Variants in MTA3 observed in about 807,000 individuals in gnomAD.
The protein encoded by MTA3 is metastasis associated 1 family member 3, also known as metastasis-associated protein MTA3.
Under a neutral mutation model 83.5 loss-of-function variants are expected in MTA3, and 34 were observed. The observed-to-expected ratio is 0.41, with a 90% CI of 0.31 to 0.54. MTA3 has a LOEUF of 0.54. Among genes scored for constraint, MTA3 ranks in the 20% least tolerant of loss-of-function variants. The pLI is 0.33. For synonymous variants in MTA3, 303 were observed against 252.7 expected (o/e 1.20, Z -1.89); for missense variants, 761 against 726.4 (o/e 1.05, Z -0.55).
intron 7 of MTA3, among the ~76,000 whole-genome samples, chr2:42,658,346 C>T (rs1689359852): frequency 6.6e-6 from 1 of 152,030 alleles, no homozygotes; most frequent in Admixed American, 6.6e-5. Context: ...TACCTTTGCA[C>T]CAAAAGATAC....
At chr2:42,569,642 C>T (rs1678249347) in intron 1 of MTA3, 1 of 152,102 alleles carries the variant, frequency 6.6e-6, no homozygotes, top group Non-Finnish European at 1.5e-5. Context: ...CTAAGATAGA[C>T]AATAACAATG....
chr2:42,584,610 C>T (rs1317103697), intron 3 of MTA3, among the ~76,000 whole-genome samples: 3 of 150,760 alleles, frequency 2.0e-5, no homozygotes, highest in Non-Finnish European at 4.4e-5. Flanking sequence ...ATTACAGAAA[C>T]CCAGCACTTT....
At chr2:42,598,045 C>A (rs1414032488) in intron 3 of MTA3, among the ~76,000 whole-genome samples, 2 of 151,112 alleles carry the variant, frequency 1.3e-5, no homozygotes, top group African/African-American at 4.9e-5. Context: ...AATTCCGGAT[C>A]TTTTTGCTAC....
intron 4 of MTA3, among the ~76,000 whole-genome samples, chr2:42,623,631 G>A (rs1685788642): frequency 6.6e-6 from 1 of 151,112 alleles, no homozygotes; most frequent in African/African-American, 2.4e-5. Context: ...TCACTGTTTG[G>A]ATTTTGCTGA....
chr2:42,498,644 C>G (rs1674257118), intron 2 of MTA3, among the ~76,000 whole-genome samples: 2 of 152,126 alleles, frequency 1.3e-5, no homozygotes, highest in Admixed American at 1.3e-4. Flanking sequence ...GAATTTGGCT[C>G]TTTATGTCAA....
chr2:42,511,888 G>A (rs534330387), intron 2 of MTA3: 1 of 152,052 alleles, frequency 6.6e-6, no homozygotes, highest in South Asian at 2.1e-4. Context: ...GTCGTGGCGT[G>A]TGCCTGTAGT....
At chr2:42,524,580 T>A (rs1363992063) in intron 2 of MTA3, among the ~76,000 whole-genome samples, 1 of 146,552 alleles carries the variant, frequency 6.8e-6, no homozygotes, top group African/African-American at 2.5e-5. Context: ...CATCTCGGCC[T>A]CCCAAAGTGC....
intron 3 of MTA3, among the ~76,000 whole-genome samples, chr2:42,585,104 T>G (rs757959279): frequency 2.6e-5 from 4 of 151,822 alleles, no homozygotes; most frequent in Non-Finnish European, 4.4e-5. Context: ...TAATAATTTT[T>G]TGAGACAGAG....
At chr2:42,745,822 C>CTTTTTTTTTTTTT in intron 16 of MTA3, among the ~76,000 whole-genome samples, 1 of 74,786 alleles carries the variant, frequency 1.3e-5, no homozygotes, top group South Asian at 5.4e-4. Flanking sequence ...TGAAATAGTC[C>CTTTTTTTTTTTTT]TCTTTTTTTT....
upstream of MTA3, among the ~76,000 whole-genome samples, chr2:42,565,779 A>C (rs1677883324): frequency 6.6e-6 from 1 of 152,084 alleles, no homozygotes; most frequent in Non-Finnish European, 1.5e-5. Context: ...CTGGGCAGGC[A>C]GATCACTTGA....
chr2:42,727,038 T>C (rs1206870337), intron 16 of MTA3, among the ~76,000 whole-genome samples: 1 of 152,142 alleles, frequency 6.6e-6, no homozygotes, highest in Non-Finnish European at 1.5e-5. Flanking sequence ...AAAAAGTTTT[T>C]GTTTTAAATT....
At position 42,621,134 on chromosome 2, in the gene MTA3, T is replaced by TTG. The variant is rs1272433603; in HGVS notation, c.317+11551_317+11552insGT. Among the ~76,000 whole-genome samples, 9 of 150,050 alleles carry TTG rather than the reference T, an allele frequency of 6.0e-5. No individual in the cohort carries two copies. The East Asian group carries it at 1.6e-3, about 26-fold the overall frequency. On this transcript the variant is annotated intron_variant, in intron 4 of 16. Coordinates refer to ENST00000405094, the MANE Select transcript of MTA3 (RefSeq NM_001330442.2). ...GAAACAATGTTACTCTTATTAGAGT[T>TTG]TTTTTTTTTTTTTTTAATTGATCAT...
At chr2:42,518,283 G>A (rs753444046) in intron 2 of MTA3, among the ~76,000 whole-genome samples, 1 of 152,084 alleles carries the variant, frequency 6.6e-6, no homozygotes, top group Non-Finnish European at 1.5e-5. Context: ...AGGGCTCCTT[G>A]GAAAAATAAA....
At position 42,745,824 on chromosome 2, in the gene MTA3, C is replaced by CTTTTTTTTTTTTTTTTTTTTTTTTTT. The variant is rs146921280; in HGVS notation, c.1760-7542_1760-7541insTTTTTTTTTTTTTTTTTTTTTTTTTT. ...TTTTATGTCCTTTTGAAATAGTCCT[C>CTTTTTTTTTTTTTTTTTTTTTTTTTT]TTTTTTTTGAGACAGAGTCTCGCTC... On this transcript the variant is annotated intron_variant, in intron 16 of 16. Transcript: ENST00000405094. 1.1e-3 allele frequency among the ~76,000 whole-genome samples: 130 copies of CTTTTTTTTTTTTTTTTTTTTTTTTTT among 119,372 alleles called. 14 individuals are homozygous for CTTTTTTTTTTTTTTTTTTTTTTTTTT. The highest frequency in any genetic ancestry group is 5.0e-3 in the East Asian group (17 of 3,422). The allele number at this position is 119,372 out of a possible 152,430, so 78.3% of individuals were successfully genotyped here. A position where few individuals can be genotyped will look rare whatever the true frequency, so the allele number is the denominator to read the frequency against.
chr2:42,671,599 G>A (rs1690799189), intron 8 of MTA3, among the ~76,000 whole-genome samples: 1 of 151,728 alleles, frequency 6.6e-6, no homozygotes, highest in South Asian at 2.1e-4. Flanking sequence ...TTATCACCTT[G>A]GCTGTAGCAC....
chr2:42,635,132 A>T (rs1202588775), intron 4 of MTA3, among the ~76,000 whole-genome samples: 1 of 152,154 alleles, frequency 6.6e-6, no homozygotes, highest in East Asian at 1.9e-4. Flanking sequence ...CAGAATTTTG[A>T]ATCTGTGCTA....
chr2:42,747,438 G>A (rs908994329), intron 16 of MTA3, among the ~76,000 whole-genome samples: 1 of 152,008 alleles, frequency 6.6e-6, no homozygotes, highest in Non-Finnish European at 1.5e-5. Flanking sequence ...CCGGGGTGGG[G>A]GTGCAGAATA....
At position 42,632,381 on chromosome 2, in the gene MTA3, C is replaced by T. The variant is rs536145083; in HGVS notation, c.318-7792C>T. On this transcript the variant is annotated intron_variant, in intron 4 of 16. Coordinates refer to ENST00000405094, the MANE Select transcript of MTA3 (RefSeq NM_001330442.2). Reference sequence around the variant, plus strand: ...CTGGGATTACAGGCTTGAGCCACCGCGCCCAGCCCCCAGCTGCTGTTTTGT... The same window carrying T: ...CTGGGATTACAGGCTTGAGCCACCGTGCCCAGCCCCCAGCTGCTGTTTTGT... Among the ~76,000 whole-genome samples, 148 of 152,220 alleles carry T rather than the reference C, an allele frequency of 9.7e-4. 1 individual carries two copies. Among genetic ancestry groups the T allele is most frequent in the African/African-American group, 2.8e-3 (116 of 41,550 alleles).
intron 2 of MTA3, among the ~76,000 whole-genome samples, chr2:42,526,128 G>A (rs1205599283): frequency 6.6e-6 from 1 of 152,152 alleles, no homozygotes; most frequent in Non-Finnish European, 1.5e-5. Context: ...CAGTAACAAT[G>A]CTCTAATCCC....
Sources: allele counts gnomAD v4.1 joint callset (sites outside exome capture counted in the v4.1 genomes callset), GRCh38; gene constraint gnomAD v4.1.1; transcripts MANE v1.5; gene names NCBI Gene and HGNC (gene_info 2026-07-23, HGNC 2026-07-21).